The following CDH4 variants were observed in gnomAD, a reference collection of about 807,000 sequenced individuals.
The protein encoded by CDH4 is cadherin 4.
In CDH4, 33 loss-of-function variants were observed where a neutral mutation model predicts 86.0. The ratio of observed to expected loss-of-function variants is 0.38; its 90% CI spans 0.29 to 0.51. The LOEUF (loss-of-function observed/expected upper bound fraction) is 0.51, where lower values mean the gene tolerates loss of function less well. Ranked by LOEUF, CDH4 falls within the 20% of genes least tolerant of loss-of-function variation. CDH4 has a pLI of 0.86. For synonymous variants in CDH4, 555 were observed against 549.4 expected, an observed-to-expected ratio of 1.01 and a Z score of -0.14; for missense variants, 1,114 against 1,307.4, an observed-to-expected ratio of 0.85 and a Z score of 2.28.
At chr20:61,580,171 C>G (rs2145717701) in intron 2 of CDH4, among the ~76,000 whole-genome samples, 1 of 151,894 alleles carries the variant, frequency 6.6e-6, no homozygotes, top group Admixed American at 6.6e-5. Flanking sequence ...TTCTGCTTTT[C>G]TGGCCAGGCG....
chr20:61,757,786 C>T (rs2088583335), intron 3 of CDH4, among the ~76,000 whole-genome samples: 1 of 152,166 alleles, frequency 6.6e-6, no homozygotes, highest in Non-Finnish European at 1.5e-5. Flanking sequence ...GTCACGTGAG[C>T]CGTGGAGGGA....
Position 61,504,075 on chromosome 20 carries a change from C to T in CDH4, c.170-239488C>T, listed in dbSNP as rs554799763. ...CATGTCCTGTTGTTGGACCGAGGCA[C>T]GCCTGTCTTGGGAACAAGGACCTCA... On this transcript the variant is annotated intron_variant, in intron 2 of 15. Coordinates refer to ENST00000614565, the MANE Select transcript of CDH4 (RefSeq NM_001794.5). Among the ~76,000 whole-genome samples, 22 of 152,336 alleles carry T rather than the reference C, an allele frequency of 1.4e-4. No homozygotes were observed. The South Asian group carries it at 1.5e-3, about 10-fold the overall frequency.
At chr20:61,689,593 A>G (rs1424304844) in intron 2 of CDH4, among the ~76,000 whole-genome samples, 17 of 123,542 alleles carry the variant, frequency 1.4e-4, no homozygotes, top group African/African-American at 5.1e-4. Flanking sequence ...CGGCGGGGAC[A>G]GTGGTTGGTG....
chr20:61,841,837 C>T (rs371202670), intron 4 of CDH4, among the ~76,000 whole-genome samples: 3 of 152,274 alleles, frequency 2.0e-5, no homozygotes, highest in East Asian at 3.9e-4. Context: ...TGAGCAGCCC[C>T]CTATTGGCAC....
chr20:61,842,992 A>G (rs930097792), intron 4 of CDH4, among the ~76,000 whole-genome samples: 3 of 152,242 alleles, frequency 2.0e-5, no homozygotes, highest in African/African-American at 7.2e-5. Context: ...TGTTGACCCA[A>G]TGGTTATTTC....
intron 3 of CDH4, among the ~76,000 whole-genome samples, chr20:61,769,559 T>C (rs1292549933): frequency 6.6e-6 from 1 of 152,226 alleles, no homozygotes; most frequent in Admixed American, 6.5e-5. Context: ...GAGGTGGCAC[T>C]TTCAGGTGCT....
chr20:61,452,679 G>T (rs766597050), intron 2 of CDH4, among the ~76,000 whole-genome samples: 1 of 152,234 alleles, frequency 6.6e-6, no homozygotes, highest in East Asian at 1.9e-4. Flanking sequence ...GGCAGGGAAA[G>T]CAAGAGGTGT....
rs187614747 is a variant in CDH4, at chr20:61,710,972, C to G, written c.170-32591C>G. Among the ~76,000 whole-genome samples the G allele has an allele frequency of 4.8e-3, 726 of 152,264 alleles. 3 individuals are homozygous for G. The highest frequency in any genetic ancestry group is 5.8e-3 in the Non-Finnish European group (393 of 68,026). ...ATCATAGGCATACGACCTTACAGTT[C>G]TCAAGGTCAGAAGCTGATATGGTTT... On this transcript the variant is annotated intron_variant, in intron 2 of 15. Coordinates refer to ENST00000614565, the MANE Select transcript of CDH4 (RefSeq NM_001794.5).
At chr20:61,741,051 A>G (rs1040056342) in intron 2 of CDH4, among the ~76,000 whole-genome samples, 2 of 152,176 alleles carry the variant, frequency 1.3e-5, no homozygotes, top group African/African-American at 2.4e-5. Flanking sequence ...TCTACTAAAC[A>G]TACAAGACTC....
At chr20:61,562,212 A>G (rs2086222750) in intron 2 of CDH4, among the ~76,000 whole-genome samples, 1 of 116,120 alleles carries the variant, frequency 8.6e-6, no homozygotes, top group African/African-American at 3.8e-5. Context: ...AGAGAGAGAG[A>G]GGGACCTTCG....
At chr20:61,469,822 T>C (rs6121551) in intron 2 of CDH4, among the ~76,000 whole-genome samples, 1,555 of 152,286 alleles carry the variant, frequency 0.01, 30 homozygotes, top group African/African-American at 0.036. Context: ...AGACAGTCTT[T>C]TCCCCAGTTT....
At chr20:61,383,189 A>G (rs1360666510) in intron 2 of CDH4, among the ~76,000 whole-genome samples, 1 of 79,772 alleles carries the variant, frequency 1.3e-5, no homozygotes, top group Non-Finnish European at 2.4e-5. Context: ...ATGAATATAT[A>G]TGAATATATT....
At chr20:61,714,021 T>TTTTATTTTATTTTATTTTA (rs1555828911) in intron 2 of CDH4, among the ~76,000 whole-genome samples, 2 of 135,976 alleles carry the variant, frequency 1.5e-5, no homozygotes, top group African/African-American at 5.9e-5. Context: ...GTCTATTCTT[T>TTTTATTTTATTTTATTTTA]TTTTATTTTA....
intron 6 of CDH4, among the ~76,000 whole-genome samples, chr20:61,867,635 C>A (rs1401970460): frequency 1.3e-5 from 2 of 151,654 alleles, no homozygotes; most frequent in South Asian, 2.1e-4. Flanking sequence ...TCACATTTTC[C>A]TCCTCCCCCC....
intron 2 of CDH4, among the ~76,000 whole-genome samples, chr20:61,721,376 A>G (rs1280025800): frequency 1.3e-5 from 2 of 151,964 alleles, no homozygotes; most frequent in Non-Finnish European, 2.9e-5. Context: ...AGAGGAGCCC[A>G]CCCCGGCCTG....
At chr20:61,824,144 G>A (rs1054582390) in intron 4 of CDH4, among the ~76,000 whole-genome samples, 2 of 152,078 alleles carry the variant, frequency 1.3e-5, no homozygotes, top group South Asian at 2.1e-4. Context: ...ATGGTGCTTC[G>A]TGCCCACTTT....
intron 2 of CDH4, among the ~76,000 whole-genome samples, chr20:61,294,383 T>C (rs767649296): frequency 2.0e-5 from 3 of 152,194 alleles, no homozygotes; most frequent in Non-Finnish European, 4.4e-5. Flanking sequence ...TCTCGCCATC[T>C]GGGAGGGCAG....
At chr20:61,659,274 C>T (rs1004608307) in intron 2 of CDH4, among the ~76,000 whole-genome samples, 1 of 151,156 alleles carries the variant, frequency 6.6e-6, no homozygotes, top group Non-Finnish European at 1.5e-5. Flanking sequence ...CTAGGGCAAC[C>T]ACTAAAACAT....
Position 61,938,693 on chromosome 20 carries a change from C to G in CDH4, c.*1750C>G, listed in dbSNP as rs2055226800. ...CAGGGGCCCCGGCCCCCACCTCAGCCTATGGCCCTTCCCCATGGCTAAGGT... is the reference window on the plus strand; with the variant it reads ...CAGGGGCCCCGGCCCCCACCTCAGCGTATGGCCCTTCCCCATGGCTAAGGT... On this transcript the variant is annotated 3_prime_UTR_variant, in exon 16 of 16. Transcript: ENST00000614565. The G allele has an allele frequency of 6.6e-6, 1 of 152,518 alleles. No individual in the cohort carries two copies. 9.4% of individuals were successfully genotyped at this position (152,518 alleles called of 1,614,324 possible).
Sources: gnomAD v4.1 joint callset for allele counts (sites outside exome capture counted in the v4.1 genomes callset) on GRCh38, gnomAD v4.1.1 for gene constraint, MANE v1.5 for transcripts, NCBI Gene and HGNC (gene_info 2026-07-23, HGNC 2026-07-21) for gene names.